Variants in FTO observed in about 807,000 individuals in gnomAD.
FTO encodes the protein alpha-ketoglutarate-dependent dioxygenase FTO.
Under a neutral mutation model 63.9 loss-of-function variants are expected in FTO, and 47 were observed. That is an observed-to-expected ratio of 0.74 (90% confidence interval 0.58 to 0.94). The LOEUF is 0.94. Ranked by LOEUF, FTO falls within the 40% of genes least tolerant of loss-of-function variation. The pLI, the probability that FTO is intolerant of heterozygous loss-of-function variation, is 0.00. For missense variants in FTO, 562 were observed against 618.1 expected (o/e 0.91, Z 0.96); for synonymous variants, 207 against 224.4 (o/e 0.92, Z 0.69).
intron 6 of FTO, among the ~76,000 whole-genome samples, chr16:53,881,153 A>G (rs2080821309): frequency 2.0e-5 from 3 of 150,280 alleles, no homozygotes; most frequent in African/African-American, 7.4e-5. Context: ...AAATAAATAA[A>G]AATAAAATAA....
chr16:54,091,144 G>T (rs1157750780), intron 8 of FTO, among the ~76,000 whole-genome samples: 2 of 152,160 alleles, frequency 1.3e-5, no homozygotes, highest in Admixed American at 1.3e-4. Context: ...GGCCATGTTT[G>T]GAGGCTAGTT....
chr16:53,758,633 A>C (rs2076978884), intron 1 of FTO, among the ~76,000 whole-genome samples: 1 of 152,256 alleles, frequency 6.6e-6, no homozygotes, highest in South Asian at 2.1e-4. Flanking sequence ...ACTGGAAATT[A>C]TGAACTGATG....
At chr16:54,033,021 A>G (rs186066759) in intron 8 of FTO, among the ~76,000 whole-genome samples, 6 of 152,256 alleles carry the variant, frequency 3.9e-5, no homozygotes, top group Admixed American at 3.9e-4. Context: ...ATATTCCAGT[A>G]TCAAGCCTCC....
At chr16:53,908,812 C>T (rs185022238) in intron 7 of FTO, among the ~76,000 whole-genome samples, 72 of 152,322 alleles carry the variant, frequency 4.7e-4, no homozygotes, top group Non-Finnish European at 8.7e-4. Flanking sequence ...AATCTTCATG[C>T]TGACTGAGTT....
intron 8 of FTO, among the ~76,000 whole-genome samples, chr16:53,969,000 CCT>C (rs1405410945): frequency 6.6e-6 from 1 of 152,152 alleles, no homozygotes; most frequent in African/African-American, 2.4e-5. Flanking sequence ...TTATTATTTT[CCT>C]CTCTCAGATT....
chr16:53,746,702 A>G (rs1027343236), intron 1 of FTO, among the ~76,000 whole-genome samples: 4 of 152,202 alleles, frequency 2.6e-5, no homozygotes, highest in African/African-American at 9.6e-5. Context: ...TGGTTAGAAC[A>G]TTTTAAATGA....
chr16:54,009,988 T>A (rs569154818), intron 8 of FTO, among the ~76,000 whole-genome samples: 28 of 152,174 alleles, frequency 1.8e-4, no homozygotes, highest in African/African-American at 5.3e-4. Flanking sequence ...AGTCTATTTT[T>A]GACTGTTGTA....
intron 8 of FTO, among the ~76,000 whole-genome samples, chr16:54,109,947 T>C (rs1243665727): frequency 6.6e-6 from 1 of 152,172 alleles, no homozygotes; most frequent in Non-Finnish European, 1.5e-5. Flanking sequence ...ATGCTCAATT[T>C]GGAATAACTT....
At chr16:53,862,997 G>C (rs1285196512) in intron 4 of FTO, among the ~76,000 whole-genome samples, 3 of 152,068 alleles carry the variant, frequency 2.0e-5, no homozygotes, top group African/African-American at 7.2e-5. Context: ...CAGTAATTTG[G>C]TTTTTCTGCA....
At chr16:54,096,248 G>T (rs907583342) in intron 8 of FTO, among the ~76,000 whole-genome samples, 12 of 152,236 alleles carry the variant, frequency 7.9e-5, no homozygotes, top group Non-Finnish European at 1.6e-4. Flanking sequence ...AGCAATGTTA[G>T]TTTCCAAATG....
intron 8 of FTO, among the ~76,000 whole-genome samples, chr16:54,011,015 G>A (rs1402513558): frequency 6.6e-6 from 1 of 152,178 alleles, no homozygotes; most frequent in Non-Finnish European, 1.5e-5. Flanking sequence ...GGAGAGGAAG[G>A]AGGCTGGATG....
intron 1 of FTO, among the ~76,000 whole-genome samples, chr16:53,738,917 T>G (rs1021983397): frequency 6.6e-6 from 1 of 152,178 alleles, no homozygotes; most frequent in African/African-American, 2.4e-5. Flanking sequence ...CATGATTCAC[T>G]GGAGCCTCAA....
intron 2 of FTO, among the ~76,000 whole-genome samples, chr16:53,819,264 G>T (rs1387802590): frequency 6.6e-6 from 1 of 152,006 alleles, no homozygotes; most frequent in African/African-American, 2.4e-5. Flanking sequence ...CCACTTCCTG[G>T]GCTCAAGCCA....
intron 1 of FTO, among the ~76,000 whole-genome samples, chr16:53,704,959 C>G (rs752785591): frequency 2.0e-5 from 3 of 152,060 alleles, no homozygotes; most frequent in Non-Finnish European, 4.4e-5. Context: ...GTTTTCCTTT[C>G]TCTCATTCCC....
intron 3 of FTO, among the ~76,000 whole-genome samples, chr16:53,833,024 C>T (rs1281652855): frequency 6.6e-6 from 1 of 152,174 alleles, no homozygotes; most frequent in Non-Finnish European, 1.5e-5. Context: ...TCCCAGAATT[C>T]GCACATGTTG....
chr16:53,779,905 T>C (rs1217076908), intron 1 of FTO, among the ~76,000 whole-genome samples: 1 of 152,212 alleles, frequency 6.6e-6, no homozygotes, highest in East Asian at 1.9e-4. Context: ...TCTCCACTTC[T>C]GTCACTACTA....
At chr16:53,970,506 G>A (rs2083292146) in intron 8 of FTO, among the ~76,000 whole-genome samples, 1 of 150,872 alleles carries the variant, frequency 6.6e-6, no homozygotes, top group Non-Finnish European at 1.5e-5. Context: ...AGGGAGAATT[G>A]CTTGAACCTG....
At chr16:53,896,572 A>G (rs2151918236) in intron 7 of FTO, among the ~76,000 whole-genome samples, 1 of 152,300 alleles carries the variant, frequency 6.6e-6, no homozygotes, top group Middle Eastern at 3.4e-3. Context: ...GTTAATGAAT[A>G]ATCACTAAAA....
At chr16:54,002,898 G>A (rs1379158932) in intron 8 of FTO, among the ~76,000 whole-genome samples, 5 of 152,144 alleles carry the variant, frequency 3.3e-5, no homozygotes, top group Non-Finnish European at 7.4e-5. Context: ...AAAAGCACAG[G>A]CTTTTGTTGA....
Sources: allele counts gnomAD v4.1 joint callset (sites outside exome capture counted in the v4.1 genomes callset), GRCh38; gene constraint gnomAD v4.1.1; transcripts MANE v1.5; gene names NCBI Gene and HGNC (gene_info 2026-07-23, HGNC 2026-07-21).